DNAH3: variants seen among roughly 807,000 people sequenced by gnomAD.
DNAH3 encodes the protein dynein axonemal heavy chain 3, also known as axonemal beta dynein heavy chain 3.
DNAH3 carries 332 observed loss-of-function variants against 432.5 expected under a neutral mutation model. That is an observed-to-expected ratio of 0.77 (90% confidence interval 0.70 to 0.84). DNAH3 has a LOEUF of 0.84. Among genes scored for constraint, DNAH3 ranks in the 40% least tolerant of loss-of-function variants. DNAH3 has a pLI of 0.00. For missense variants in DNAH3, 4,861 were observed against 5,114.0 expected, an observed-to-expected ratio of 0.95 and a Z score of 1.51; for synonymous variants, 1,956 against 1,900.2, an observed-to-expected ratio of 1.03 and a Z score of -0.76.
intron 41 of DNAH3, among the ~76,000 whole-genome samples, chr16:21,015,335 A>G (rs1340677809): frequency 6.6e-6 from 1 of 152,230 alleles, no homozygotes. Flanking sequence ...CAAGAATATC[A>G]TGTCTTGGAA....
chr16:21,050,973 T>C (rs1778939912), intron 29 of DNAH3, among the ~76,000 whole-genome samples: 1 of 152,338 alleles, frequency 6.6e-6, no homozygotes, highest in Admixed American at 6.5e-5. Flanking sequence ...TTAGGGTTTC[T>C]TGAGGTCATG....
chr16:21,051,952 T>C, intron 28 of DNAH3, 84 bp from the exon 29 acceptor site: 1 of 1,095,286 alleles, frequency 9.1e-7, no homozygotes, highest in Non-Finnish European at 1.4e-6. Context: ...CAAGTGGATG[T>C]TATCAAGGTC....
In DNAH3 at chr16:20,979,487, T is replaced by C. The variant is rs1275301483; in HGVS notation, c.7919A>G (p.Tyr2640Cys). The C allele has an allele frequency of 1.9e-6, 3 of 1,614,038 alleles. No homozygotes were observed. The highest frequency in any genetic ancestry group is 2.5e-6 in the Non-Finnish European group (3 of 1,180,028). The change falls in exon 50 of 62, where the codon TAC (tyrosine) becomes TGC (cysteine). Residue 2640 changes from tyrosine to cysteine, a missense_variant. Physicochemically the swap from Tyr to Cys is radical, Grantham distance 194. Transcript: ENST00000261383. Reference sequence around the variant, plus strand: ...ATAGTTGTGTCTTCGAAGTTTGTTGTAATAATCGAGTGACAGCTTCTTGAC... The same window carrying C: ...ATAGTTGTGTCTTCGAAGTTTGTTGCAATAATCGAGTGACAGCTTCTTGAC...
chr16:20,997,011 C>T (rs1293154110), intron 44 of DNAH3: 1 of 352,700 alleles, frequency 2.8e-6, no homozygotes, highest in Non-Finnish European at 5.2e-6. Context: ...CCTCCCGGAA[C>T]ACATGCTGGC....
intron 24 of DNAH3, chr16:21,062,907 T>G: frequency 1.9e-6 from 1 of 516,290 alleles, no homozygotes; most frequent in Non-Finnish European, 3.4e-6. Context: ...AGGCTAGACT[T>G]GAACTCCTGG....
chr16:21,008,527 C>G (rs73538205), intron 41 of DNAH3, among the ~76,000 whole-genome samples: 2,434 of 152,228 alleles, frequency 0.016, 68 homozygotes, highest in African/African-American at 0.056. Context: ...GAAGGATTCA[C>G]CTCATGTCCC....
chr16:20,979,298 CTT>C lies in DNAH3; in HGVS notation c.8076+30_8076+31del. 4 of 1,609,870 alleles carry C rather than the reference CTT, an allele frequency of 2.5e-6. No individual in the cohort carries two copies. The South Asian group carries it at 4.4e-5, about 18-fold the overall frequency. On this transcript the variant is annotated intron_variant, in intron 50 of 61. Coordinates refer to ENST00000261383, the Ensembl canonical transcript of DNAH3. ...GGCACATCCACCTCGTCCCGGGCCT[CTT>C]TGTCTCTGTTCTGTTTTGGCAGTGC...
intron 19 of DNAH3, among the ~76,000 whole-genome samples, chr16:21,084,079 T>A (rs1335980493): frequency 1.3e-5 from 2 of 151,980 alleles, no homozygotes; most frequent in Admixed American, 6.6e-5. Flanking sequence ...TCAAACAGTG[T>A]AGAAAAATTC....
chr16:20,976,306 T>C (rs2085587685), intron 50 of DNAH3, among the ~76,000 whole-genome samples: 1 of 151,676 alleles, frequency 6.6e-6, no homozygotes, highest in Admixed American at 6.6e-5. Flanking sequence ...AATTCTCCTG[T>C]CTCAGCCTCC....
At chr16:21,142,354 C>T (rs1298691878) in intron 3 of DNAH3, among the ~76,000 whole-genome samples, 4 of 151,758 alleles carry the variant, frequency 2.6e-5, no homozygotes, top group Non-Finnish European at 5.9e-5. Context: ...GCAATGAGAG[C>T]GAAACTCCGT....
At chr16:21,066,872 T>C (rs1440911246) in intron 24 of DNAH3, among the ~76,000 whole-genome samples, 1 of 152,170 alleles carries the variant, frequency 6.6e-6, no homozygotes, top group Admixed American at 6.5e-5. Flanking sequence ...AACAAATACA[T>C]GAAGTAGGGG....
At chr16:21,133,267 G>T (rs554375917) in intron 7 of DNAH3, among the ~76,000 whole-genome samples, 1 of 151,158 alleles carries the variant, frequency 6.6e-6, no homozygotes, top group Admixed American at 6.6e-5. Flanking sequence ...GGAGACTGAG[G>T]TGGGAGGATT....
intron 18 of DNAH3, among the ~76,000 whole-genome samples, chr16:21,090,030 G>A (rs1237754326): frequency 6.6e-6 from 1 of 151,746 alleles, no homozygotes; most frequent in Non-Finnish European, 1.5e-5. Context: ...GGGTAATAAG[G>A]GAATGCTATA....
intron 57 of DNAH3, among the ~76,000 whole-genome samples, chr16:20,946,053 G>C (rs1207431658): frequency 6.6e-6 from 1 of 152,118 alleles, no homozygotes; most frequent in Non-Finnish European, 1.5e-5. Flanking sequence ...CCTTGTCCGG[G>C]GCACTCTAAA....
At chr16:20,948,338 G>T in intron 57 of DNAH3, 145 bp downstream of exon 57, 1 of 803,366 alleles carries the variant, frequency 1.2e-6, no homozygotes. Context: ...GCAGGCTTTT[G>T]GGAATATTGG....
intron 24 of DNAH3, among the ~76,000 whole-genome samples, chr16:21,065,525 TG>T (rs1258088204): frequency 6.6e-6 from 1 of 152,132 alleles, no homozygotes; most frequent in African/African-American, 2.4e-5. Flanking sequence ...AAACCTCAGG[TG>T]TTTCCTGAGT....
intron 44 of DNAH3, 131 bp downstream of exon 44, chr16:20,997,152 T>G: frequency 1.3e-6 from 1 of 780,036 alleles, no homozygotes; most frequent in South Asian, 1.8e-5. Flanking sequence ...AGCCTACACA[T>G]GCTTCTGCTC....
chr16:21,078,438 GCGTGGTCA>G (rs1176596742), intron 20 of DNAH3, among the ~76,000 whole-genome samples: 1 of 152,156 alleles, frequency 6.6e-6, no homozygotes, highest in Non-Finnish European at 1.5e-5. Context: ...GACCTCAGCA[GCGTGGTCA>G]CTGACTTAAA....
chr16:21,032,358 T>C (rs2088927629), intron 36 of DNAH3, among the ~76,000 whole-genome samples: 1 of 152,186 alleles, frequency 6.6e-6, no homozygotes, highest in African/African-American at 2.4e-5. Context: ...GTGTCATTTG[T>C]TCCCAAGAAA....
Sources: allele counts gnomAD v4.1 joint callset (sites outside exome capture counted in the v4.1 genomes callset), GRCh38; gene constraint gnomAD v4.1.1; transcripts MANE v1.5; gene names NCBI Gene and HGNC (gene_info 2026-07-23, HGNC 2026-07-21).